Variants in IPPK observed in about 807,000 individuals in gnomAD.
The protein encoded by IPPK is IPK1 homolog.
Under a neutral mutation model 64.6 loss-of-function variants are expected in IPPK, and 22 were observed. The ratio of observed to expected loss-of-function variants is 0.34; its 90% CI spans 0.24 to 0.49. The LOEUF is 0.49. IPPK is among the 20% of genes least tolerant of loss of function. The pLI is 0.99. For missense variants in IPPK, 532 were observed against 630.7 expected (o/e 0.84, Z 1.68); for synonymous variants, 262 against 247.2 (o/e 1.06, Z -0.56).
intron 1 of IPPK, among the ~76,000 whole-genome samples, chr9:92,660,172 G>A (rs971850178): frequency 1.2e-4 from 18 of 152,214 alleles, no homozygotes; most frequent in Non-Finnish European, 2.2e-4. Context: ...ACACATGATG[G>A]TGTGTGCTAT....
At chr9:92,650,528 T>C (rs1377364930) in intron 4 of IPPK, among the ~76,000 whole-genome samples, 1 of 151,912 alleles carries the variant, frequency 6.6e-6, no homozygotes, top group Non-Finnish European at 1.5e-5. Context: ...GCACACTCCA[T>C]ATGGGAGAGT....
At chr9:92,643,940 T>C (rs1488513639) in intron 6 of IPPK, among the ~76,000 whole-genome samples, 1 of 152,260 alleles carries the variant, frequency 6.6e-6, no homozygotes, top group Non-Finnish European at 1.5e-5. Flanking sequence ...ATGTTACCAG[T>C]TATATGAGCA....
Position 92,635,476 on chromosome 9 carries a change from T to C in IPPK, c.917-168A>G, listed in dbSNP as rs1370253354. The stretch of plus-strand genomic sequence containing the variant: ...GCACTAAGGACAGACGAGATGACGC[T>C]CCCGCCTCACAGAGCTGCTGGAGCT... On this transcript the variant is annotated intron_variant, in intron 9 of 12. Coordinates refer to ENST00000287996, the MANE Select transcript of IPPK (RefSeq NM_022755.6). This position sits in a 1 kb window ranked among gnomAD's most constrained non-coding sequence, Gnocchi z 4.4. Among the ~76,000 whole-genome samples, 1 of 152,138 alleles carries C rather than the reference T, an allele frequency of 6.6e-6. No individual in the cohort carries two copies. Among genetic ancestry groups the C allele is most frequent in the Non-Finnish European group, 1.5e-5 (1 of 68,022 alleles).
chr9:92,639,937 C>T (rs760659624), intron 8 of IPPK, among the ~76,000 whole-genome samples: 1 of 152,272 alleles, frequency 6.6e-6, no homozygotes, highest in African/African-American at 2.4e-5. Flanking sequence ...GGCAGCAGGA[C>T]GCCAGCCATG....
chr9:92,642,171 G>C (rs1852060113), intron 7 of IPPK, among the ~76,000 whole-genome samples: 1 of 152,254 alleles, frequency 6.6e-6, no homozygotes, highest in African/African-American at 2.4e-5. Flanking sequence ...ACCCTCCCCA[G>C]CTCCCAGCCA....
At chr9:92,658,565 A>C (rs370523659) in intron 2 of IPPK, 69 bp downstream of exon 2, 4 of 1,307,854 alleles carry the variant, frequency 3.1e-6, no homozygotes, top group Middle Eastern at 1.9e-4. Flanking sequence ...ATGTTTCTAC[A>C]TCGGAAAAAA....
Position 92,638,047 on chromosome 9 carries a change from C to T in IPPK, c.870G>A (p.Pro290=), listed in dbSNP as rs746263714. The T allele has an allele frequency of 2.6e-5, 41 of 1,601,328 alleles. No individual in the cohort carries two copies. Among genetic ancestry groups the T allele is most frequent in the African/African-American group, 6.7e-5 (5 of 74,658 alleles). ...TGAAAGGGCTGGCTTCGCAGACTCGCGGGCCCTGAGGCCCGAGCCCCGGAC... is the reference window on the plus strand; with the variant it reads ...TGAAAGGGCTGGCTTCGCAGACTCGTGGGCCCTGAGGCCCGAGCCCCGGAC... ...TLSPGLGPQG[P]RVCEASPFSR... Residue 290 remains proline, a synonymous_variant, in exon 9 of 13, where the codon CCG becomes CCA. Coordinates refer to ENST00000287996, the MANE Select transcript of IPPK (RefSeq NM_022755.6).
intron 3 of IPPK, among the ~76,000 whole-genome samples, chr9:92,655,768 C>T (rs1386935606): frequency 6.6e-6 from 1 of 152,204 alleles, no homozygotes; most frequent in Non-Finnish European, 1.5e-5. Context: ...ATCTTCCTAA[C>T]AGGGGAACTG....
At chr9:92,656,699 C>T in intron 2 of IPPK, 148 bp from the exon 3 acceptor site, 1 of 612,924 alleles carries the variant, frequency 1.6e-6, no homozygotes, top group South Asian at 1.8e-5. Flanking sequence ...AGCCCTCAGA[C>T]CCAGGGGAAG....
intron 2 of IPPK, among the ~76,000 whole-genome samples, chr9:92,657,124 C>T (rs1852388104): frequency 6.6e-6 from 1 of 152,134 alleles, no homozygotes; most frequent in Non-Finnish European, 1.5e-5. Context: ...CTGAACCAGG[C>T]AGATCACCTG....
intron 2 of IPPK, among the ~76,000 whole-genome samples, chr9:92,658,395 A>G (rs1362330788): frequency 6.6e-6 from 1 of 152,230 alleles, no homozygotes; most frequent in Non-Finnish European, 1.5e-5. Context: ...CAGGACCTAC[A>G]GGCCAGGCCA....
In IPPK at chr9:92,615,864, C is replaced by G. The variant is rs764998921; in HGVS notation, c.1444G>C (p.Glu482Gln). Residue 482 changes from glutamate (E) to glutamine (Q), a missense_variant, in exon 13 of 13, where the codon GAA (glutamate) becomes CAA (glutamine). Physicochemically the swap from Glu to Gln is conservative, Grantham distance 29 (BLOSUM62 2). Transcript: ENST00000287996. ...TTGTGGAGAACTAATGTGCAATCTT[C>G]GCTTTCCTTGAACCGAGTCGACATC... ...AVMSTRFKES[E>Q]DCTLVLHKV The G allele has an allele frequency of 1.2e-6, 2 of 1,614,114 alleles. No homozygotes were observed. Among genetic ancestry groups the G allele is most frequent in the Non-Finnish European group, 1.7e-6 (2 of 1,179,942 alleles).
At chr9:92,648,931 C>CT (rs1222114906) in intron 5 of IPPK, among the ~76,000 whole-genome samples, 1 of 152,270 alleles carries the variant, frequency 6.6e-6, no homozygotes, top group African/African-American at 2.4e-5. Context: ...ACCAGTGCCT[C>CT]TGAGGGTCAC....
At chr9:92,638,370 G>T in intron 8 of IPPK, 90 bp from the exon 9 acceptor site, 2 of 1,465,164 alleles carry the variant, frequency 1.4e-6, no homozygotes, top group Non-Finnish European at 1.9e-6. Flanking sequence ...CCCAGGCAGC[G>T]GGTGAAAGCC....
intron 7 of IPPK, among the ~76,000 whole-genome samples, chr9:92,641,935 C>T (rs972241100): frequency 1.3e-5 from 2 of 152,210 alleles, no homozygotes; most frequent in South Asian, 4.1e-4. Context: ...AGGAGCTGTG[C>T]TGATCAAAAA....
chr9:92,660,335 T>A (rs769663598), intron 1 of IPPK, among the ~76,000 whole-genome samples: 49 of 152,120 alleles, frequency 3.2e-4, no homozygotes, highest in Non-Finnish European at 3.2e-4. Flanking sequence ...ATACATTACA[T>A]GAAATCCCTG....
chr9:92,667,364 C>A (rs1852621569), intron 1 of IPPK, among the ~76,000 whole-genome samples: 1 of 152,170 alleles, frequency 6.6e-6, no homozygotes, highest in African/African-American at 2.4e-5. Context: ...TGCTCGAACT[C>A]AACAGGTCCT....
In IPPK at chr9:92,641,574, G is replaced by A. The variant is rs184004128; in HGVS notation, c.564-792C>T. Among the ~76,000 whole-genome samples, 11 of 152,378 alleles carry A rather than the reference G, an allele frequency of 7.2e-5. No individual in the cohort carries two copies. In the East Asian group the frequency reaches 2.1e-3, roughly 29 times the overall value. ...GGAAATCCACATGGGACCCACAGGT[G>A]AGGGCACCGCCAGACTCGCTGAAGC... On this transcript the variant is annotated intron_variant, in intron 7 of 12. Transcript: ENST00000287996.
chr9:92,664,273 T>C (rs1409719893), intron 1 of IPPK, among the ~76,000 whole-genome samples: 3 of 152,246 alleles, frequency 2.0e-5, no homozygotes, highest in African/African-American at 7.2e-5. Flanking sequence ...TCACTGGGAA[T>C]GTATGGCCTC....
Sources: gnomAD v4.1 joint callset for allele counts (sites outside exome capture counted in the v4.1 genomes callset) on GRCh38, gnomAD v4.1.1 for gene constraint, Gnocchi (gnomAD v3.1) non-coding constraint, MANE v1.5 for transcripts, NCBI Gene and HGNC (gene_info 2026-07-23, HGNC 2026-07-21) for gene names.